The following MMP26 variants were observed in gnomAD, a reference collection of about 807,000 sequenced individuals.
MMP26 encodes the protein matrix metalloproteinase-26.
In MMP26, 33 loss-of-function variants were observed where a neutral mutation model predicts 31.0. The observed-to-expected ratio is 1.06, with a 90% confidence interval of 0.81 to 1.42. The LOEUF (loss-of-function observed/expected upper bound fraction) is 1.42. MMP26 is among the 40% of genes most tolerant of loss of function. The pLI is 0.00. For missense variants in MMP26, 347 were observed against 316.1 expected (o/e 1.10, Z -0.74); for synonymous variants, 122 against 114.9 (o/e 1.06, Z -0.40).
intron 2 of MMP26, among the ~76,000 whole-genome samples, chr11:4,899,229 T>C (rs1181379658): frequency 1.3e-5 from 2 of 152,200 alleles, no homozygotes; most frequent in Non-Finnish European, 2.9e-5. Flanking sequence ...AGAAATTCAC[T>C]GCATAATTTA....
At chr11:4,829,644 T>C (rs1292809224) in intron 2 of MMP26, among the ~76,000 whole-genome samples, 1 of 152,092 alleles carries the variant, frequency 6.6e-6, no homozygotes, top group African/African-American at 2.4e-5. Flanking sequence ...TGAGGACCAA[T>C]AAATGTTAAG....
intron 2 of MMP26, among the ~76,000 whole-genome samples, chr11:4,901,423 G>C (rs1018093211): frequency 2.0e-5 from 3 of 152,042 alleles, no homozygotes; most frequent in Admixed American, 2.0e-4. Flanking sequence ...GCCTCCCAAA[G>C]TGCTGGGATT....
chr11:4,883,853 AT>A (rs1437811585), intron 2 of MMP26, among the ~76,000 whole-genome samples: 1 of 152,038 alleles, frequency 6.6e-6, no homozygotes, highest in Non-Finnish European at 1.5e-5. Flanking sequence ...AATTCTTCAC[AT>A]TTTTTTCCAC....
intron 2 of MMP26, among the ~76,000 whole-genome samples, chr11:4,847,143 T>C (rs1453304245): frequency 1.3e-5 from 2 of 152,318 alleles, no homozygotes; most frequent in East Asian, 3.9e-4. Flanking sequence ...GCTCTTGCTT[T>C]TATCACATCC....
At chr11:4,764,434 A>G (rs1848603240) in intron 1 of MMP26, among the ~76,000 whole-genome samples, 1 of 152,186 alleles carries the variant, frequency 6.6e-6, no homozygotes, top group Non-Finnish European at 1.5e-5. Flanking sequence ...GATGGGCCCA[A>G]TATACTGGGC....
chr11:4,843,024 C>T (rs1849817307), intron 2 of MMP26, among the ~76,000 whole-genome samples: 1 of 152,208 alleles, frequency 6.6e-6, no homozygotes, highest in South Asian at 2.1e-4. Context: ...CCTCTGACCC[C>T]ATGTCTCTCA....
intron 2 of MMP26, chr11:4,803,931 G>A (rs760034202): frequency 4.5e-5 from 73 of 1,613,194 alleles, no homozygotes; most frequent in Non-Finnish European, 5.1e-5. Flanking sequence ...TCAGCATCAC[G>A]ATGGTCCCCA....
intron 2 of MMP26, among the ~76,000 whole-genome samples, chr11:4,925,771 C>A (rs200045198): frequency 5.3e-4 from 76 of 142,092 alleles, no homozygotes; most frequent in South Asian, 6.7e-4. Context: ...CTGTTAACTA[C>A]AAAAAAAAAA....
chr11:4,875,803 G>C (rs1041799082), intron 2 of MMP26: 2 of 152,110 alleles, frequency 1.3e-5, no homozygotes, highest in African/African-American at 4.8e-5. Context: ...ATACGGATGA[G>C]GACATCTTTA....
intron 1 of MMP26, among the ~76,000 whole-genome samples, chr11:4,758,628 A>T (rs945431318): frequency 5.3e-5 from 8 of 152,288 alleles, no homozygotes; most frequent in African/African-American, 1.9e-4. Flanking sequence ...AAAAATTTCT[A>T]AATATAAAAC....
chr11:4,743,117 G>A (rs1166665936), intron 1 of MMP26, among the ~76,000 whole-genome samples: 1 of 152,026 alleles, frequency 6.6e-6, no homozygotes, highest in Non-Finnish European at 1.5e-5. Context: ...AAACTATAGT[G>A]TTACACATGT....
At chr11:4,869,180 C>A (rs1431127028) in intron 2 of MMP26, among the ~76,000 whole-genome samples, 1 of 152,234 alleles carries the variant, frequency 6.6e-6, no homozygotes, top group Non-Finnish European at 1.5e-5. Context: ...GTCTAAAACA[C>A]CAAAAGCAAT....
At chr11:4,863,148 A>C (rs187057385) in intron 2 of MMP26, among the ~76,000 whole-genome samples, 5 of 152,238 alleles carry the variant, frequency 3.3e-5, no homozygotes, top group Admixed American at 3.3e-4. Context: ...CCATGCAAAT[A>C]GTTGATTCTT....
chr11:4,987,391 T>G (rs1176531908), intron 2 of MMP26, among the ~76,000 whole-genome samples: 2 of 151,496 alleles, frequency 1.3e-5, no homozygotes, highest in Non-Finnish European at 2.9e-5. Context: ...AGATTTTTTT[T>G]GTTTTGTTTT....
At chr11:4,780,792 A>C (rs1292280608) in intron 2 of MMP26, among the ~76,000 whole-genome samples, 2 of 151,930 alleles carry the variant, frequency 1.3e-5, no homozygotes, top group Non-Finnish European at 2.9e-5. Flanking sequence ...AAAACTAGAA[A>C]TAACACAGAT....
chr11:4,817,163 C>T (rs190452097), intron 2 of MMP26, among the ~76,000 whole-genome samples: 21 of 151,962 alleles, frequency 1.4e-4, no homozygotes, highest in African/African-American at 4.8e-4. Context: ...ATTGTATGTA[C>T]ATTTTTATAT....
At chr11:4,815,615 T>TTATC (rs1391963524) in intron 2 of MMP26, among the ~76,000 whole-genome samples, 3 of 152,130 alleles carry the variant, frequency 2.0e-5, no homozygotes, top group African/African-American at 7.2e-5. Flanking sequence ...CACAGCAAAT[T>TTATC]TATCATTTAT....
At chr11:4,728,946 G>T (rs181660812) in intron 1 of MMP26, among the ~76,000 whole-genome samples, 15 of 151,580 alleles carry the variant, frequency 9.9e-5, no homozygotes, top group Non-Finnish European at 1.9e-4. Context: ...CATGCACGTT[G>T]ATGTATATAA....
chr11:4,880,868 G>A (rs1257460152), intron 2 of MMP26, among the ~76,000 whole-genome samples: 1 of 152,106 alleles, frequency 6.6e-6, no homozygotes, highest in East Asian at 1.9e-4. Flanking sequence ...TTAACAGAAG[G>A]TAGGGGTTGG....
Sources: gnomAD v4.1 joint callset for allele counts (sites outside exome capture counted in the v4.1 genomes callset) on GRCh38, gnomAD v4.1.1 for gene constraint, MANE v1.5 for transcripts, NCBI Gene and HGNC (gene_info 2026-07-23, HGNC 2026-07-21) for gene names.